The following SERPINB8 variants were observed in gnomAD, a reference collection of about 807,000 sequenced individuals.
The protein encoded by SERPINB8 is serpin family B member 8.
SERPINB8 carries 25 observed loss-of-function variants against 35.3 expected under a neutral mutation model. That is an observed-to-expected ratio of 0.71 (90% CI 0.52 to 0.99). The LOEUF is 0.99. Among genes scored for constraint, SERPINB8 ranks in the 50% least tolerant of loss-of-function variants. The pLI, the probability that SERPINB8 is intolerant of heterozygous loss-of-function variation, is 0.00. For missense variants in SERPINB8, 484 were observed against 446.5 expected, an observed-to-expected ratio of 1.08 and a Z score of -0.76; for synonymous variants, 186 against 160.8, an observed-to-expected ratio of 1.16 and a Z score of -1.19.
intron 1 of SERPINB8, among the ~76,000 whole-genome samples, chr18:63,997,256 G>A (rs1458411565): frequency 6.6e-6 from 1 of 152,234 alleles, no homozygotes; most frequent in African/African-American, 2.4e-5. Flanking sequence ...ATAGTTTTAT[G>A]ATCCCAAATT....
At chr18:63,993,223 G>C (rs1010487533), downstream of SERPINB8, among the ~76,000 whole-genome samples, 2 of 152,096 alleles carry the variant, frequency 1.3e-5, no homozygotes, top group Non-Finnish European at 2.9e-5. Flanking sequence ...CCTAAGTATT[G>C]ATTTAGTGGC....
chr18:64,003,806 T>G (rs893025599), intron 1 of SERPINB8, among the ~76,000 whole-genome samples: 1 of 152,072 alleles, frequency 6.6e-6, no homozygotes, highest in Admixed American at 6.5e-5. Context: ...GGCCTTTGGT[T>G]GACTGGAGGG....
intron 4 of SERPINB8, among the ~76,000 whole-genome samples, chr18:63,982,169 T>G (rs866974014): frequency 2.0e-5 from 3 of 152,330 alleles, no homozygotes; most frequent in Middle Eastern, 6.8e-3. Context: ...TTCAATTAAG[T>G]TGCGGCTTAG....
chr18:64,000,553 CA>C (rs2050869409), intron 1 of SERPINB8, among the ~76,000 whole-genome samples: 1 of 152,188 alleles, frequency 6.6e-6, no homozygotes, highest in African/African-American at 2.4e-5. Flanking sequence ...GAGGCACCAT[CA>C]AAGGCTTAGG....
exon 8 of SERPINB8, chr18:64,018,974 G>T (rs2050963213): frequency 6.6e-6 from 1 of 152,156 alleles, no homozygotes; most frequent in Non-Finnish European, 1.5e-5. Context: ...GGGCGGCCCA[G>T]ATGCATGAGT....
chr18:63,976,693 G>T (rs2144794326), intron 1 of SERPINB8, among the ~76,000 whole-genome samples: 1 of 152,348 alleles, frequency 6.6e-6, no homozygotes, highest in East Asian at 1.9e-4. Flanking sequence ...AGTTTAGGTT[G>T]TCTAAAGTTA....
chr18:64,007,407 A>G (rs1006450640), downstream of SERPINB8, among the ~76,000 whole-genome samples: 5 of 152,234 alleles, frequency 3.3e-5, no homozygotes, highest in African/African-American at 1.2e-4. Flanking sequence ...AAAGAAAGAG[A>G]TGATCTACAT....
chr18:63,978,548 A>G (rs920721013), intron 2 of SERPINB8, 72 bp downstream of exon 2: 3 of 1,563,334 alleles, frequency 1.9e-6, no homozygotes, highest in East Asian at 2.2e-5. Context: ...GTCTTTCTGT[A>G]CTTTTGCTCT....
At chr18:63,986,599 C>A (rs1412725632) in intron 6 of SERPINB8, 1 of 1,302,728 alleles carries the variant, frequency 7.7e-7, no homozygotes, top group Non-Finnish European at 9.7e-7. Context: ...ATGTTTTTAA[C>A]ATTTGAAAGG....
intron 2 of SERPINB8, among the ~76,000 whole-genome samples, chr18:63,978,888 C>T (rs180758829): frequency 6.6e-6 from 1 of 152,198 alleles, no homozygotes; most frequent in African/African-American, 2.4e-5. Context: ...TATTTTAGTG[C>T]ATGATTATGC....
At position 63,978,294 on chromosome 18, in the gene SERPINB8, T is replaced by G; in HGVS notation, c.-10-5T>G. On this transcript the variant is annotated splice_polypyrimidine_tract_variant and splice_region_variant and intron_variant, in intron 1 of 6. Transcript: ENST00000397985. ...GTGCTTTTCCCTGCTGTGCCTTTGA[T>G]GCAGACCTTCTCTGATGGATGACCT... 6.2e-7 allele frequency: 1 copy of G among 1,614,152 alleles called. No homozygotes were observed. The highest frequency in any genetic ancestry group is 8.5e-7 in the Non-Finnish European group (1 of 1,180,010).
downstream of SERPINB8, among the ~76,000 whole-genome samples, chr18:63,993,752 G>T (rs1476181590): frequency 1.3e-5 from 2 of 152,226 alleles, no homozygotes; most frequent in African/African-American, 4.8e-5. Context: ...CAGGCTGCAT[G>T]GGGGAGGTGG....
At chr18:64,000,080 T>A (rs994524176) in intron 1 of SERPINB8, among the ~76,000 whole-genome samples, 4 of 151,952 alleles carry the variant, frequency 2.6e-5, no homozygotes, top group Admixed American at 2.0e-4. Flanking sequence ...CCAAGGAGAG[T>A]CTGTGCCACT....
chr18:63,994,975 C>G (rs1263291973), intron 1 of SERPINB8, among the ~76,000 whole-genome samples: 1 of 152,154 alleles, frequency 6.6e-6, no homozygotes, highest in African/African-American at 2.4e-5. Context: ...AGATGACTAT[C>G]CGGCGCCCTC....
intron 3 of SERPINB8, among the ~76,000 whole-genome samples, 176 bp downstream of exon 3, chr18:63,980,114 A>T (rs576842172): frequency 2.0e-4 from 30 of 152,256 alleles, no homozygotes; most frequent in African/African-American, 7.0e-4. Context: ...ATTGTTACTG[A>T]TACACCCATC....
chr18:63,978,175 G>A (rs1041977935), intron 1 of SERPINB8, 124 bp from the exon 2 acceptor site: 4 of 936,488 alleles, frequency 4.3e-6, no homozygotes, highest in Non-Finnish European at 6.7e-6. Flanking sequence ...AATTAGGAGT[G>A]GAAGTCTTTG....
At chr18:63,994,712 T>C (rs1414788475) in intron 1 of SERPINB8, among the ~76,000 whole-genome samples, 2 of 152,134 alleles carry the variant, frequency 1.3e-5, no homozygotes, top group Non-Finnish European at 2.9e-5. Context: ...GCAGAGGCTA[T>C]AGTAGCCCCG....
chr18:63,986,345 C>G, intron 6 of SERPINB8: 4 of 1,597,156 alleles, frequency 2.5e-6, no homozygotes, highest in Non-Finnish European at 3.4e-6. Context: ...TCTTGCATTC[C>G]CCATTTCTCG....
intron 5 of SERPINB8, among the ~76,000 whole-genome samples, chr18:63,984,039 G>A (rs962683992): frequency 3.3e-5 from 5 of 152,002 alleles, no homozygotes; most frequent in African/African-American, 1.2e-4. Context: ...TAGAGATAAG[G>A]TTTTGTCATA....
Sources: gnomAD v4.1 joint callset for allele counts (sites outside exome capture counted in the v4.1 genomes callset) on GRCh38, gnomAD v4.1.1 for gene constraint, MANE v1.5 for transcripts, NCBI Gene and HGNC (gene_info 2026-07-23, HGNC 2026-07-21) for gene names.